The following ABTB2 variants were observed in gnomAD, a reference collection of about 807,000 sequenced individuals.
ABTB2 encodes ankyrin repeat and BTB/POZ domain-containing protein 2.
ABTB2 carries 56 observed loss-of-function variants against 104.1 expected under a neutral mutation model. That is an observed-to-expected ratio of 0.54 (90% CI 0.43 to 0.67). The LOEUF is 0.67. ABTB2 is among the 30% of genes least tolerant of loss of function. The pLI is 0.00. For missense variants in ABTB2, 1,279 were observed against 1,407.7 expected (o/e 0.91, Z 1.46); for synonymous variants, 606 against 608.2 (o/e 1.00, Z 0.05).
chr11:34,249,617 G>A (rs1195895792), intron 1 of ABTB2, among the ~76,000 whole-genome samples: 1 of 152,144 alleles, frequency 6.6e-6, no homozygotes, highest in African/African-American at 2.4e-5. Flanking sequence ...CATCTAACTC[G>A]GAGCTTTGTC....
chr11:34,308,517 A>T (rs72914579), intron 1 of ABTB2, among the ~76,000 whole-genome samples: 5,666 of 152,250 alleles, frequency 0.037, 252 homozygotes, highest in East Asian at 0.13. Flanking sequence ...AAGAATACTC[A>T]TGGATCTTGA....
chr11:34,255,513 GAC>G (rs1397466567), intron 1 of ABTB2, among the ~76,000 whole-genome samples: 3 of 149,378 alleles, frequency 2.0e-5, no homozygotes, highest in Admixed American at 6.6e-5. Context: ...TTTTTTTTGA[GAC>G]ACAGTCTCGC....
chr11:34,182,350 G>A (rs926875582), intron 3 of ABTB2, among the ~76,000 whole-genome samples: 1 of 152,108 alleles, frequency 6.6e-6, no homozygotes, highest in Non-Finnish European at 1.5e-5. Flanking sequence ...GCATGGCTTG[G>A]AGGCAGAGTT....
chr11:34,237,736 C>T (rs527290613), intron 1 of ABTB2, among the ~76,000 whole-genome samples: 1 of 152,140 alleles, frequency 6.6e-6, no homozygotes, highest in South Asian at 2.1e-4. Flanking sequence ...ACTAAAAATA[C>T]AAAAATTAGC....
At chr11:34,271,607 A>C (rs1445134351) in intron 1 of ABTB2, among the ~76,000 whole-genome samples, 3 of 152,078 alleles carry the variant, frequency 2.0e-5, no homozygotes, top group Non-Finnish European at 4.4e-5. Context: ...GGTGGCACAC[A>C]CCTGTGGTCC....
At chr11:34,323,217 A>AT (rs1248525922) in intron 1 of ABTB2, among the ~76,000 whole-genome samples, 3 of 152,070 alleles carry the variant, frequency 2.0e-5, no homozygotes, top group Non-Finnish European at 4.4e-5. Context: ...GCAAATGCTT[A>AT]TTTTTTAAGG....
At chr11:34,307,420 C>A (rs1376650935) in intron 1 of ABTB2, among the ~76,000 whole-genome samples, 1 of 152,168 alleles carries the variant, frequency 6.6e-6, no homozygotes. Flanking sequence ...ACCACTACAT[C>A]CTAAAATGCT....
At chr11:34,177,149 T>C (rs1311531872) in intron 3 of ABTB2, among the ~76,000 whole-genome samples, 1 of 152,226 alleles carries the variant, frequency 6.6e-6, no homozygotes, top group Non-Finnish European at 1.5e-5. Context: ...GCACCACGTG[T>C]GGCTACTAAA....
rs1852823538 is a variant in ABTB2 at position 34,167,946 on chromosome 11, A to G, written c.1610T>C (p.Met537Thr). 1 of 1,614,252 alleles carries G rather than the reference A, an allele frequency of 6.2e-7. No individual in the cohort carries two copies. The highest frequency in any genetic ancestry group is 8.5e-7 in the Non-Finnish European group (1 of 1,180,048). Residue 537 changes from methionine to threonine, a missense_variant, in exon 6 of 17, where the codon ATG becomes ACG. By Grantham distance (81) the Met-to-Thr change is moderately conservative. Transcript: ENST00000435224. ...MYACAAGDEA[M>T]VQMLIDAGAN... ...CCCAGCATCAATCAACATCTGGACC[A>G]TCGCTTCGTCCCCAGCAGCGCAGGC...
intron 1 of ABTB2, among the ~76,000 whole-genome samples, chr11:34,223,711 C>T (rs1294563581): frequency 6.6e-6 from 1 of 152,194 alleles, no homozygotes; most frequent in Non-Finnish European, 1.5e-5. Context: ...CCTCATTACT[C>T]AAATTGCTGA....
chr11:34,282,801 G>T (rs2133087805), intron 1 of ABTB2, among the ~76,000 whole-genome samples: 1 of 152,040 alleles, frequency 6.6e-6, no homozygotes, highest in South Asian at 2.1e-4. Flanking sequence ...CAAAATGCTG[G>T]GACTACAAGC....
At chr11:34,159,424 CT>C in intron 13 of ABTB2, 38 bp from the exon 14 acceptor site, 1 of 1,401,860 alleles carries the variant, frequency 7.1e-7, no homozygotes, top group Non-Finnish European at 1.0e-6. Flanking sequence ...GGTTTTGAAC[CT>C]TTTACTTCAC....
In ABTB2 at chr11:34,160,968, C is replaced by G; in HGVS notation, c.2332G>C (p.Glu778Gln). The change falls in exon 11 of 17, where the codon GAG becomes CAG. Residue 778 changes from glutamate to glutamine, a missense_variant. Transcript: ENST00000435224. ...LRDFSSIREE[E>Q]YNEELVTEGL... Reference sequence around the variant, plus strand: ...TCGGTCACCAGCTCCTCGTTGTACTCCTCCTCTCTGATGGAGCTGAAGTCC... The same window carrying G: ...TCGGTCACCAGCTCCTCGTTGTACTGCTCCTCTCTGATGGAGCTGAAGTCC... 6.2e-7 allele frequency: 1 copy of G among 1,613,744 alleles called. No individual in the cohort carries two copies. Among genetic ancestry groups the G allele is most frequent in the Non-Finnish European group, 8.5e-7 (1 of 1,179,860 alleles).
intron 1 of ABTB2, among the ~76,000 whole-genome samples, chr11:34,267,625 A>G (rs1854266777): frequency 6.6e-6 from 1 of 152,242 alleles, no homozygotes; most frequent in African/African-American, 2.4e-5. Context: ...AAAAGGAATC[A>G]CCCTAGTGGG....
intron 3 of ABTB2, among the ~76,000 whole-genome samples, chr11:34,175,852 C>A (rs1193086138): frequency 6.6e-6 from 1 of 152,198 alleles, no homozygotes; most frequent in African/African-American, 2.4e-5. Context: ...CTCAGGCCCA[C>A]CCTGCCTGCT....
At chr11:34,192,846 C>T (rs1853197333) in intron 3 of ABTB2, among the ~76,000 whole-genome samples, 1 of 152,182 alleles carries the variant, frequency 6.6e-6, no homozygotes, top group Non-Finnish European at 1.5e-5. Flanking sequence ...CTCCTGTCGA[C>T]CTCAGGCCCT....
intron 1 of ABTB2, among the ~76,000 whole-genome samples, chr11:34,275,969 C>A (rs557352733): frequency 6.6e-6 from 1 of 152,190 alleles, no homozygotes; most frequent in Admixed American, 6.5e-5. Context: ...GGTAGAGAGG[C>A]TCCAATCAAG....
rs116599244 is a variant in ABTB2, at chr11:34,191,294, C to T, written c.1244+6031G>A. ...AAAGAGAAAAAAAGCCCCAGGTGTGCGTTTCCAACAAAGTGGCTGGAACCC... is the reference window on the plus strand; with the variant it reads ...AAAGAGAAAAAAAGCCCCAGGTGTGTGTTTCCAACAAAGTGGCTGGAACCC... On this transcript the variant is annotated intron_variant, in intron 3 of 16. Coordinates refer to ENST00000435224, the MANE Select transcript of ABTB2 (RefSeq NM_145804.3). 1.4e-3 allele frequency among the ~76,000 whole-genome samples: 218 copies of T among 152,288 alleles called. 1 individual carries two copies. Among genetic ancestry groups the T allele is most frequent in the African/African-American group, 4.9e-3 (202 of 41,562 alleles).
chr11:34,174,513 G>A (rs985443745), intron 3 of ABTB2, among the ~76,000 whole-genome samples: 2 of 152,318 alleles, frequency 1.3e-5, no homozygotes, highest in Non-Finnish European at 2.9e-5. Context: ...ACCAGGGGAC[G>A]CCATGTGCAC....
Sources: allele counts gnomAD v4.1 joint callset (sites outside exome capture counted in the v4.1 genomes callset), GRCh38; gene constraint gnomAD v4.1.1; transcripts MANE v1.5; gene names NCBI Gene and HGNC (gene_info 2026-07-23, HGNC 2026-07-21).